The following RHOBTB1 variants were observed in gnomAD, a reference collection of about 807,000 sequenced individuals.
RHOBTB1 encodes rho-related BTB domain-containing protein 1.
A neutral mutation model predicts 71.6 loss-of-function variants in RHOBTB1; 40 were observed. The ratio of observed to expected loss-of-function variants is 0.56; its 90% confidence interval spans 0.43 to 0.73. The LOEUF is 0.73. Ranked by LOEUF, RHOBTB1 falls within the 30% of genes least tolerant of loss-of-function variation. The pLI is 0.00. For synonymous variants in RHOBTB1, 319 were observed against 334.9 expected, an observed-to-expected ratio of 0.95 and a Z score of 0.52; for missense variants, 797 against 894.0, an observed-to-expected ratio of 0.89 and a Z score of 1.38.
intron 2 of RHOBTB1, among the ~76,000 whole-genome samples, chr10:60,941,318 A>C (rs910578374): frequency 5.9e-5 from 9 of 152,184 alleles, no homozygotes; most frequent in Non-Finnish European, 1.3e-4. Context: ...TTTGGGACTC[A>C]AGACAGTGGT....
rs775653593 is a variant in RHOBTB1 at position 60,889,089 on chromosome 10, C to G, written c.579G>C (p.Gln193His). The G allele has an allele frequency of 1.2e-6, 2 of 1,614,190 alleles. No individual in the cohort carries two copies. The highest frequency in any genetic ancestry group is 2.2e-5 in the South Asian group (2 of 91,080). The change falls in exon 6 of 11, where the codon CAG becomes CAC. Residue 193 changes from glutamine (Q) to histidine (H), a missense_variant. Gln to His is a conservative substitution (Grantham distance 24). Around this residue, in one of 2 missense-constraint regions of RHOBTB1, gnomAD observed 658 missense variants for 681.5 expected, o/e 0.97. Coordinates refer to ENST00000337910, the MANE Select transcript of RHOBTB1 (RefSeq NM_014836.5). Reference sequence around the variant, plus strand: ...TGTCAAACACATCCTTGATACCAAACTGGTCAAACACGCTTGTTTCATAGT... The same window carrying G: ...TGTCAAACACATCCTTGATACCAAAGTGGTCAAACACGCTTGTTTCATAGT... The part of the protein sequence containing the change: ...LPYYETSVFD[Q>H]FGIKDVFDNA...
intron 2 of RHOBTB1, among the ~76,000 whole-genome samples, chr10:60,919,438 G>A (rs1029904596): frequency 1.2e-4 from 18 of 152,162 alleles, no homozygotes; most frequent in African/African-American, 4.1e-4. Context: ...TTGTAGGTAG[G>A]TGGGAGCTGT....
chr10:60,891,075 G>A (rs768192876), intron 5 of RHOBTB1, among the ~76,000 whole-genome samples: 1 of 152,250 alleles, frequency 6.6e-6, no homozygotes, highest in South Asian at 2.1e-4. Flanking sequence ...CTCATTTACT[G>A]TGGACTTCTT....
intron 4 of RHOBTB1, among the ~76,000 whole-genome samples, chr10:60,906,804 A>G (rs563401843): frequency 3.0e-4 from 44 of 145,092 alleles, no homozygotes; most frequent in African/African-American, 9.5e-4. Flanking sequence ...TTTATAGGGG[A>G]AAAAAAAAAC....
chr10:60,928,074 T>A (rs764260050), intron 2 of RHOBTB1, among the ~76,000 whole-genome samples: 3 of 152,124 alleles, frequency 2.0e-5, no homozygotes, highest in Non-Finnish European at 4.4e-5. Flanking sequence ...GAAAAAATGC[T>A]CAACATCATT....
chr10:60,894,270 G>T (rs1389111037), intron 4 of RHOBTB1, among the ~76,000 whole-genome samples: 4 of 152,122 alleles, frequency 2.6e-5, no homozygotes, highest in Admixed American at 6.5e-5. Flanking sequence ...TCCAAGAAAA[G>T]CTGCACCAGA....
At chr10:60,981,821 G>T (rs1045591990) in intron 2 of RHOBTB1, among the ~76,000 whole-genome samples, 2 of 151,994 alleles carry the variant, frequency 1.3e-5, no homozygotes, top group Admixed American at 6.6e-5. Flanking sequence ...CCAAGCTGGG[G>T]TGCAATGGTG....
chr10:60,962,535 T>C lies in RHOBTB1; in HGVS notation c.-61-20681A>G, dbSNP rs1293316207. ...TATACAAAATAATATTTGTTGCTTT[T>C]TAGGGAAATTTCCATACTTCAGGAA... On this transcript the variant is annotated intron_variant, in intron 2 of 11. Coordinates refer to the RHOBTB1 transcript ENST00000357917. Among the ~76,000 whole-genome samples, 3 of 152,180 alleles carry C rather than the reference T, an allele frequency of 2.0e-5. No homozygotes were observed. In the East Asian group the frequency reaches 5.8e-4, roughly 29 times the overall value.
At chr10:60,894,150 CAAAT>C (rs1223691544) in intron 4 of RHOBTB1, among the ~76,000 whole-genome samples, 6 of 152,196 alleles carry the variant, frequency 3.9e-5, no homozygotes, top group African/African-American at 1.2e-4. Context: ...TGAAGACAAA[CAAAT>C]ATATGCAGGC....
chr10:60,877,889 C>T lies in RHOBTB1; in HGVS notation c.1726+19G>A. 1 of 1,609,808 alleles carries T rather than the reference C, an allele frequency of 6.2e-7. No homozygotes were observed. The highest frequency in any genetic ancestry group is 8.5e-7 in the Non-Finnish European group (1 of 1,178,066). ...ACAAATATGACAGACACTGCATGGC[C>T]CTGAGTCATCATCCTTACCTGCAAG... On this transcript the variant is annotated intron_variant, in intron 8 of 10. Coordinates refer to ENST00000337910, the MANE Select transcript of RHOBTB1 (RefSeq NM_014836.5).
chr10:60,963,894 TG>T (rs2085868716), intron 2 of RHOBTB1, among the ~76,000 whole-genome samples: 1 of 152,080 alleles, frequency 6.6e-6, no homozygotes, highest in Admixed American at 6.6e-5. Context: ...AATGATTGGG[TG>T]AGTAGTCATT....
chr10:60,929,718 A>G (rs976292587), intron 2 of RHOBTB1, among the ~76,000 whole-genome samples: 3 of 152,324 alleles, frequency 2.0e-5, no homozygotes, highest in African/African-American at 7.2e-5. Context: ...AAAGCATATA[A>G]TAAAATGAAG....
intron 2 of RHOBTB1, among the ~76,000 whole-genome samples, chr10:60,976,351 CAG>C (rs2086314625): frequency 1.3e-5 from 2 of 151,440 alleles, no homozygotes; most frequent in Non-Finnish European, 2.9e-5. Context: ...ATTTTTATCA[CAG>C]AGAGTAAGAT....
intron 1 of RHOBTB1, among the ~76,000 whole-genome samples, chr10:60,998,497 A>T (rs1019351019): frequency 3.3e-5 from 5 of 152,208 alleles, no homozygotes; most frequent in African/African-American, 1.2e-4. Context: ...TCGGTTTGTA[A>T]TCGGCTCCGT....
chr10:60,956,277 G>T (rs2085590078), intron 2 of RHOBTB1, among the ~76,000 whole-genome samples: 1 of 152,114 alleles, frequency 6.6e-6, no homozygotes, highest in African/African-American at 2.4e-5. Flanking sequence ...TAAAAAAATG[G>T]TATGCCTGTA....
chr10:60,924,875 T>C (rs1343177195), intron 2 of RHOBTB1, among the ~76,000 whole-genome samples: 1 of 152,180 alleles, frequency 6.6e-6, no homozygotes, highest in Admixed American at 6.5e-5. Context: ...AATCAAACAA[T>C]ATGCTCTTAG....
chr10:60,946,679 A>G (rs1292936978), upstream of RHOBTB1, among the ~76,000 whole-genome samples: 4 of 152,146 alleles, frequency 2.6e-5, no homozygotes. Context: ...TTCTAAGTTA[A>G]AAAAAGTTCA....
At chr10:60,906,725 T>G (rs548080933) in intron 4 of RHOBTB1, among the ~76,000 whole-genome samples, 2 of 152,204 alleles carry the variant, frequency 1.3e-5, no homozygotes, top group Non-Finnish European at 2.9e-5. Flanking sequence ...TTGTTATCAC[T>G]GTCAGCAACA....
At chr10:60,862,917 T>C in the RHOBTB1 span, among the ~76,000 whole-genome samples, 2 of 141,776 alleles carry the variant, frequency 1.4e-5, no homozygotes, top group East Asian at 5.0e-4. Flanking sequence ...CTCCTCTTTC[T>C]TTTCTTCTTT....
Sources: gnomAD v4.1 joint callset for allele counts (sites outside exome capture counted in the v4.1 genomes callset) on GRCh38, gnomAD v4.1.1 for gene constraint, gnomAD v4.1.1 regional missense constraint, MANE v1.5 for transcripts, NCBI Gene and HGNC (gene_info 2026-07-23, HGNC 2026-07-21) for gene names.